Variants in SERPINE2 observed in about 807,000 individuals in gnomAD.
SERPINE2 encodes the protein serpin family E member 2.
Under a neutral mutation model 36.3 loss-of-function variants are expected in SERPINE2, and 14 were observed. The observed-to-expected ratio is 0.39, with a 90% CI of 0.25 to 0.60. The LOEUF (loss-of-function observed/expected upper bound fraction) is 0.60, where lower values mean the gene tolerates loss of function less well. SERPINE2 is among the 20% of genes least tolerant of loss of function. SERPINE2 has a pLI of 0.57. For missense variants in SERPINE2, 418 were observed against 499.6 expected (o/e 0.84, Z 1.56); for synonymous variants, 192 against 191.8 (o/e 1.00, Z -0.01).
At chr2:223,998,836 C>T (rs1377438595) in intron 2 of SERPINE2, among the ~76,000 whole-genome samples, 1 of 152,218 alleles carries the variant, frequency 6.6e-6, no homozygotes, top group Non-Finnish European at 1.5e-5. Context: ...AGTCTAACCA[C>T]TGAAGCTCTC....
At chr2:224,035,401 G>C (rs1444815028) in intron 1 of SERPINE2, among the ~76,000 whole-genome samples, 1 of 39,248 alleles carries the variant, frequency 2.5e-5, no homozygotes, top group African/African-American at 6.6e-5. Flanking sequence ...TTTTTGTTTT[G>C]AGACAGAGTC....
chr2:224,027,137 C>CACTT, intron 1 of SERPINE2, among the ~76,000 whole-genome samples: 1 of 152,196 alleles, frequency 6.6e-6, no homozygotes, highest in Non-Finnish European at 1.5e-5. Flanking sequence ...TAGTAACTGA[C>CACTT]ACTTAAGTCA....
intron 4 of SERPINE2, among the ~76,000 whole-genome samples, chr2:223,986,819 G>A (rs533294533): frequency 2.1e-3 from 320 of 152,088 alleles, no homozygotes; most frequent in African/African-American, 6.7e-3. Context: ...ACCATGAACC[G>A]CATCCAGTCA....
intron 4 of SERPINE2, 51 bp downstream of exon 4, chr2:223,991,752 C>A (rs1269838588): frequency 4.4e-6 from 7 of 1,589,530 alleles, no homozygotes; most frequent in African/African-American, 4.0e-5. Context: ...ACTCAAGGGC[C>A]TTTCTGCCGC....
intron 1 of SERPINE2, among the ~76,000 whole-genome samples, chr2:224,023,582 T>C (rs1014502722): frequency 6.6e-6 from 1 of 152,178 alleles, no homozygotes; most frequent in Admixed American, 6.5e-5. Context: ...AGTCTACAGG[T>C]AGGTTCATTT....
intron 1 of SERPINE2, among the ~76,000 whole-genome samples, chr2:224,023,134 G>T (rs1052599715): frequency 2.0e-5 from 3 of 152,194 alleles, no homozygotes; most frequent in Non-Finnish European, 4.4e-5. Context: ...CACCAATCAA[G>T]CCTCCTATAA....
chr2:224,020,658 A>T (rs1183267842), intron 1 of SERPINE2, among the ~76,000 whole-genome samples: 1 of 152,250 alleles, frequency 6.6e-6, no homozygotes, highest in African/African-American at 2.4e-5. Flanking sequence ...GAGTCATTTA[A>T]ATAAATCTCA....
chr2:223,987,228 C>T (rs1261095411), intron 4 of SERPINE2, among the ~76,000 whole-genome samples: 2 of 152,134 alleles, frequency 1.3e-5, no homozygotes, highest in African/African-American at 4.8e-5. Context: ...CATAAGCTGG[C>T]CCATAGCAAA....
intron 1 of SERPINE2, among the ~76,000 whole-genome samples, chr2:224,018,524 AAG>A (rs1216289509): frequency 6.6e-6 from 1 of 152,140 alleles, no homozygotes; most frequent in Non-Finnish European, 1.5e-5. Context: ...TGGTAACTGG[AAG>A]ATGAGGTAAT....
chr2:223,977,413 A>T (rs1006879541), intron 8 of SERPINE2, 131 bp downstream of exon 8: 8 of 677,484 alleles, frequency 1.2e-5, no homozygotes, highest in Non-Finnish European at 1.9e-5. Flanking sequence ...TGGTTATATT[A>T]TTCAAAGTGT....
rs750174872 is a variant in SERPINE2 at position 224,001,928 on chromosome 2, AAAGT to A, written c.-22-10_-22-7del. The A allele has an allele frequency of 5.0e-6, 8 of 1,596,514 alleles. No individual in the cohort carries two copies. The African/African-American group carries it at 5.4e-5, about 11-fold the overall frequency. On this transcript the variant is annotated splice_polypyrimidine_tract_variant and splice_region_variant and intron_variant, in intron 1 of 8. Coordinates refer to ENST00000409304, the MANE Select transcript of SERPINE2 (RefSeq NM_001136528.2). ...TTCCTTCCACCAAGGACGACCTGGA[AAAGT>A]AAGTTAAAAAATATTTAAATTATAC...
chr2:224,034,868 A>T (rs1692483707), intron 1 of SERPINE2, among the ~76,000 whole-genome samples: 1 of 152,222 alleles, frequency 6.6e-6, no homozygotes, highest in Admixed American at 6.5e-5. Context: ...CATCAACACT[A>T]GAACTCTGTA....
chr2:223,977,712 C>G, intron 7 of SERPINE2, 85 bp from the exon 8 acceptor site: 1 of 862,842 alleles, frequency 1.2e-6, no homozygotes, highest in Non-Finnish European at 2.0e-6. Context: ...GCTTCATGGA[C>G]CCTCAGAGGC....
chr2:224,031,396 TGGG>T (rs1172787440), intron 1 of SERPINE2: 2 of 985,408 alleles, frequency 2.0e-6, no homozygotes, highest in Non-Finnish European at 2.4e-6. Context: ...GAGATTCCGT[TGGG>T]GGGAAAACAG....
intron 1 of SERPINE2, among the ~76,000 whole-genome samples, chr2:224,003,744 G>A (rs374987599): frequency 6.6e-6 from 1 of 152,246 alleles, no homozygotes. Context: ...CAGCATTCGT[G>A]ATGTTGCTAA....
rs1039265940 is a variant in SERPINE2 at position 224,000,182 on chromosome 2, G to A, written c.259+1460C>T. 7.2e-5 allele frequency among the ~76,000 whole-genome samples: 11 copies of A among 152,316 alleles called. No individual in the cohort carries two copies. In the East Asian group the frequency reaches 1.5e-3, roughly 21 times the overall value. ...TCTCAGAACTTTCGGGCCAGCCTGG[G>A]TGGAAGAACACGGGCAGGAAGACTC... On this transcript the variant is annotated intron_variant, in intron 2 of 8. Transcript: ENST00000409304.
rs1031853775 is a variant in SERPINE2 at position 224,039,262 on chromosome 2, CGCAGCCCGG to C, written c.-195_-187del. 15 of 150,612 alleles carry C rather than the reference CGCAGCCCGG, an allele frequency of 1.0e-4. No individual in the cohort carries two copies. The highest frequency in any genetic ancestry group is 2.1e-4 in the Non-Finnish European group (14 of 67,404). 9.3% of individuals were successfully genotyped at this position (150,612 alleles called of 1,614,324 possible). A position where few individuals can be genotyped will look rare whatever the true frequency, so the allele number is the denominator to read the frequency against. ...GCAGCGGTGGCGCCTGCAGACGCCG[CGCAGCCCGG>C]GCAGCCCCACAGCGCAAGCTGGCTG... is the stretch of plus-strand genomic sequence containing the variant. On this transcript the variant is annotated 5_prime_UTR_variant, in exon 1 of 9. Transcript: ENST00000409304. This position sits in a 1 kb window ranked among gnomAD's most constrained non-coding sequence, Gnocchi z 5.2.
rs759187377 is a variant in SERPINE2, at chr2:223,980,321, T to C, written c.1062A>G (p.Ser354=). The C allele has an allele frequency of 1.2e-6, 2 of 1,614,036 alleles. No homozygotes were observed. Among genetic ancestry groups the C allele is most frequent in the Non-Finnish European group, 1.7e-6 (2 of 1,179,846 alleles). ...TGACCCAGTGCTTACTTGTTGCTGC[T>C]GAAGCTTTGGTTCCATCTTCACTGA... is the stretch of plus-strand genomic sequence containing the variant. ...IEVSEDGTKA[S]AATTAILIAR... is the part of the protein sequence containing the mutation. Residue 354 remains serine (S), a synonymous_variant, in exon 7 of 9, where the codon TCA becomes TCG. Transcript: ENST00000409304.
intron 4 of SERPINE2, among the ~76,000 whole-genome samples, chr2:223,990,107 T>C (rs956671831): frequency 4.6e-5 from 7 of 152,020 alleles, no homozygotes; most frequent in Non-Finnish European, 1.0e-4. Flanking sequence ...CTTGGGAAGT[T>C]AGTACCCTGA....
Sources: allele counts gnomAD v4.1 joint callset (sites outside exome capture counted in the v4.1 genomes callset), GRCh38; gene constraint gnomAD v4.1.1; non-coding constraint Gnocchi (gnomAD v3.1); transcripts MANE v1.5; gene names NCBI Gene and HGNC (gene_info 2026-07-23, HGNC 2026-07-21).